MAPT: variants seen among roughly 807,000 people sequenced by gnomAD.
MAPT encodes the protein microtubule-associated protein tau.
Under a neutral mutation model 67.9 loss-of-function variants are expected in MAPT, and 34 were observed. That is an observed-to-expected ratio of 0.50 (90% CI 0.38 to 0.67). The LOEUF is 0.67. MAPT is among the 30% of genes least tolerant of loss of function. The pLI is 0.00. For synonymous variants in MAPT, 456 were observed against 464.5 expected (o/e 0.98, Z 0.23); for missense variants, 881 against 1,115.2 (o/e 0.79, Z 2.99).
chr17:45,908,178 T>G (rs971801515), intron 1 of MAPT: 2 of 152,206 alleles, frequency 1.3e-5, no homozygotes, highest in African/African-American at 4.8e-5. Context: ...AGAACCAAAT[T>G]TAGTGCTGTG....
At position 45,974,643 on chromosome 17, in the gene MAPT, T is replaced by C. The variant is rs17572361; in HGVS notation, c.220+2698T>C. The stretch of plus-strand genomic sequence containing the variant: ...TGTGAGTAGCTCGATGCCTTGGTGC[T>C]CAGTTACCTCCCTGGCTGCCTGCCA... On this transcript the variant is annotated intron_variant, in intron 3 of 12. Transcript: ENST00000262410. 98,316 of 611,576 alleles carry C rather than the reference T, an allele frequency of 0.16. 9,954 individuals carry two copies. The highest frequency in any genetic ancestry group is 0.21 in the Middle Eastern group (489 of 2,280). The allele number at this position is 611,576 out of a possible 1,614,324, so 37.9% of individuals were successfully genotyped here. A position where few individuals can be genotyped will look rare whatever the true frequency, so the allele number is the denominator to read the frequency against.
chr17:45,983,958 TC>T, intron 5 of MAPT, 28 bp downstream of exon 5: 1 of 1,518,852 alleles, frequency 6.6e-7, no homozygotes, highest in South Asian at 1.3e-5. Flanking sequence ...CTTCGCTCCT[TC>T]CCTGGGGACC....
intron 1 of MAPT, among the ~76,000 whole-genome samples, chr17:45,945,193 C>T (rs2068359135): frequency 6.6e-6 from 1 of 152,228 alleles, no homozygotes; most frequent in Non-Finnish European, 1.5e-5. Flanking sequence ...AGGTGTCCTT[C>T]CTCAGCCTGG....
At chr17:45,939,431 A>C (rs908453986) in intron 1 of MAPT, among the ~76,000 whole-genome samples, 2 of 152,204 alleles carry the variant, frequency 1.3e-5, no homozygotes, top group African/African-American at 2.4e-5. Context: ...GTGTTGCAGC[A>C]TCTTATCTCA....
chr17:45,929,133 G>A (rs1388303380), intron 1 of MAPT, among the ~76,000 whole-genome samples: 1 of 152,104 alleles, frequency 6.6e-6, no homozygotes, highest in Non-Finnish European at 1.5e-5. Flanking sequence ...ATCTCCCTAA[G>A]CCTCCCTAGA....
chr17:45,914,453 C>T (rs1052720858), intron 1 of MAPT, among the ~76,000 whole-genome samples: 13 of 152,308 alleles, frequency 8.5e-5, no homozygotes, highest in African/African-American at 2.9e-4. Context: ...TGGAGCGGTC[C>T]GTCTGCACTG....
intron 1 of MAPT, among the ~76,000 whole-genome samples, chr17:45,913,895 C>T (rs1442242565): frequency 6.6e-6 from 1 of 152,106 alleles, no homozygotes; most frequent in Non-Finnish European, 1.5e-5. Context: ...GACCACCACC[C>T]TTGGGCTTTC....
intron 1 of MAPT, among the ~76,000 whole-genome samples, chr17:45,948,952 T>TC (rs1380177206): frequency 2.6e-5 from 4 of 152,260 alleles, no homozygotes; most frequent in African/African-American, 9.6e-5. Flanking sequence ...CTCTGCTTGG[T>TC]CTTCAGTTAC....
At chr17:45,941,472 C>T (rs915195796) in intron 1 of MAPT, among the ~76,000 whole-genome samples, 1 of 152,074 alleles carries the variant, frequency 6.6e-6, no homozygotes, top group Non-Finnish European at 1.5e-5. Flanking sequence ...TTCCCCCTGC[C>T]CCTGGCTTCT....
rs183764182 is a variant in MAPT at position 46,009,608 on chromosome 17, T to A, written c.1999-702T>A. Among the ~76,000 whole-genome samples, 58 of 152,284 alleles carry A rather than the reference T, an allele frequency of 3.8e-4. 1 individual carries two copies. The highest frequency in any genetic ancestry group is 1.5e-4 in the Non-Finnish European group (10 of 67,992). Reference sequence around the variant, plus strand: ...TGGAAGGAGAAGGCACAGCCCCCCCTTGCAGGGACAGAGCCCTCGTACAGA... The same window carrying A: ...TGGAAGGAGAAGGCACAGCCCCCCCATGCAGGGACAGAGCCCTCGTACAGA... On this transcript the variant is annotated intron_variant, in intron 9 of 12. Coordinates refer to ENST00000262410, the MANE Select transcript of MAPT (RefSeq NM_001377265.1).
At position 46,010,310 on chromosome 17, in the gene MAPT, G is replaced by A; in HGVS notation, c.1999G>A (p.Val667Met). ...TCATCCTTTTTTCTGGCTACCAAAG[G>A]TGCAGATAATTAATAAGAAGCTGGA... The part of the protein sequence containing the change: ...NLKHQPGGGK[V>M]QIINKKLDLS... Residue 667 changes from valine (V) to methionine (M), a missense_variant and splice_region_variant, in exon 10 of 13, where the codon GTG becomes ATG. Around this residue, in one of 6 missense-constraint regions of MAPT, gnomAD observed 34 missense variants for 51.2 expected, o/e 0.66. Transcript: ENST00000262410. This position sits in a 1 kb window ranked among gnomAD's most constrained non-coding sequence, Gnocchi z 4.7. 1 of 1,563,370 alleles carries A rather than the reference G, an allele frequency of 6.4e-7. No individual in the cohort carries two copies. Among genetic ancestry groups the A allele is most frequent in the Non-Finnish European group, 8.7e-7 (1 of 1,152,068 alleles).
chr17:45,965,518 C>T (rs1357994010), intron 2 of MAPT, among the ~76,000 whole-genome samples: 2 of 151,716 alleles, frequency 1.3e-5, no homozygotes, highest in Admixed American at 6.6e-5. Context: ...CGGGTGCAAG[C>T]GATTCTCCTG....
At chr17:45,946,615 A>AAAAAAAAAAAAAAT in intron 1 of MAPT, among the ~76,000 whole-genome samples, 1 of 100,408 alleles carries the variant, frequency 1.0e-5, no homozygotes, top group African/African-American at 4.4e-5. Flanking sequence ...AAAAAAAAAA[A>AAAAAAAAAAAAAAT]ATATATATAT....
At position 46,002,758 on chromosome 17, in the gene MAPT, G is replaced by C. The variant is rs1430087423; in HGVS notation, c.1998+6094G>C. On this transcript the variant is annotated intron_variant, in intron 9 of 12. Coordinates refer to ENST00000262410, the MANE Select transcript of MAPT (RefSeq NM_001377265.1). ...CTTGGTTCTGGGCCGCAGCCTGGGT[G>C]GCTGCTTCCTTCCCTGTGTGTATTG... Among the ~76,000 whole-genome samples, 4 of 152,282 alleles carry C rather than the reference G, an allele frequency of 2.6e-5. No homozygotes were observed. The East Asian group carries it at 7.7e-4, about 29-fold the overall frequency.
chr17:45,950,302 G>T (rs1480080137), intron 1 of MAPT, among the ~76,000 whole-genome samples: 1 of 152,170 alleles, frequency 6.6e-6, no homozygotes, highest in Non-Finnish European at 1.5e-5. Flanking sequence ...GATGCCTGGG[G>T]TTTCTCGTCC....
chr17:46,011,873 G>A (rs2075839549), intron 10 of MAPT, among the ~76,000 whole-genome samples: 1 of 152,174 alleles, frequency 6.6e-6, no homozygotes, highest in Admixed American at 6.5e-5. Flanking sequence ...GGCCCCTTGA[G>A]TCCCACAGGT....
intron 1 of MAPT, among the ~76,000 whole-genome samples, chr17:45,916,895 C>T (rs1015178377): frequency 6.6e-6 from 1 of 152,186 alleles, no homozygotes; most frequent in African/African-American, 2.4e-5. Context: ...CTGCAGATCC[C>T]CTTCTGTGCC....
At chr17:45,984,405 G>C (rs1026653413) in intron 5 of MAPT, among the ~76,000 whole-genome samples, 1 of 152,272 alleles carries the variant, frequency 6.6e-6, no homozygotes, top group Non-Finnish European at 1.5e-5. Flanking sequence ...GTAAGTGACA[G>C]AGCCAGGTTT....
intron 1 of MAPT, among the ~76,000 whole-genome samples, chr17:45,938,673 C>T (rs899671977): frequency 1.3e-5 from 2 of 152,052 alleles, no homozygotes; most frequent in African/African-American, 4.8e-5. Context: ...GACAAGGTCT[C>T]ACTCTATGGT....
Sources: allele counts gnomAD v4.1 joint callset (sites outside exome capture counted in the v4.1 genomes callset), GRCh38; gene constraint gnomAD v4.1.1; regional missense constraint gnomAD v4.1.1; non-coding constraint Gnocchi (gnomAD v3.1); transcripts MANE v1.5; gene names NCBI Gene and HGNC (gene_info 2026-07-23, HGNC 2026-07-21).